OSBPL10: variants seen among roughly 807,000 people sequenced by gnomAD.
OSBPL10 encodes oxysterol binding protein like 10, also known as oxysterol-binding protein-related protein 10.
A neutral mutation model predicts 81.7 loss-of-function variants in OSBPL10; 49 were observed. The observed-to-expected ratio is 0.60, with a 90% CI of 0.48 to 0.76. OSBPL10 has a LOEUF of 0.76. Among genes scored for constraint, OSBPL10 ranks in the 30% least tolerant of loss-of-function variants. The pLI is 0.00. For missense variants in OSBPL10, 923 were observed against 987.8 expected (o/e 0.93, Z 0.88); for synonymous variants, 419 against 383.6 (o/e 1.09, Z -1.08).
At chr3:31,888,775 T>G (rs1281478737) in intron 1 of OSBPL10, among the ~76,000 whole-genome samples, 1 of 151,816 alleles carries the variant, frequency 6.6e-6, no homozygotes, top group Non-Finnish European at 1.5e-5. Context: ...ATAAAAAAAA[T>G]TAGCCAGGCC....
At chr3:31,809,550 G>T (rs1418557960) in intron 4 of OSBPL10, among the ~76,000 whole-genome samples, 2 of 152,174 alleles carry the variant, frequency 1.3e-5, no homozygotes, top group Non-Finnish European at 2.9e-5. Flanking sequence ...GGTGGTGGTG[G>T]ACACGGAGGT....
intron 1 of OSBPL10, among the ~76,000 whole-genome samples, chr3:31,918,313 A>G (rs562796900): frequency 1.5e-5 from 2 of 134,176 alleles, no homozygotes; most frequent in African/African-American, 2.9e-5. Context: ...CACACACTGG[A>G]GTTGTTTTTT....
Position 31,996,617 on chromosome 3 carries a change from T to G in OSBPL10, n.298+49874A>C, listed in dbSNP as rs77744726. Among the ~76,000 whole-genome samples, 1,364 of 152,274 alleles carry G rather than the reference T, an allele frequency of 9.0e-3. 52 individuals carry two copies. The East Asian group carries it at 0.15, about 17-fold the overall frequency. On this transcript the variant is annotated intron_variant and non_coding_transcript_variant, in intron 2 of 3. Transcript: ENST00000479173. ...GAAAATCTCTAATACATCTCTGTAC[T>G]CCCAGTCCTGAAAAGAGAATTTCAG...
At chr3:32,054,455 T>C (rs1458289377) in intron 1 of OSBPL10, among the ~76,000 whole-genome samples, 1 of 151,482 alleles carries the variant, frequency 6.6e-6, no homozygotes, top group Admixed American at 6.6e-5. Context: ...GTGTATGTTA[T>C]TAATAGTTAT....
intron 6 of OSBPL10, among the ~76,000 whole-genome samples, chr3:31,717,918 G>C (rs774160880): frequency 6.6e-6 from 1 of 152,194 alleles, no homozygotes; most frequent in Non-Finnish European, 1.5e-5. Context: ...GGAAATTTGT[G>C]AGACAGCTGT....
intron 2 of OSBPL10, among the ~76,000 whole-genome samples, chr3:31,994,131 C>G (rs1699064214): frequency 6.6e-6 from 1 of 152,162 alleles, no homozygotes; most frequent in Non-Finnish European, 1.5e-5. Flanking sequence ...CAGACTCAAC[C>G]ACACACTATA....
intron 1 of OSBPL10, among the ~76,000 whole-genome samples, chr3:31,938,651 G>T (rs911552460): frequency 1.2e-4 from 19 of 152,122 alleles, no homozygotes; most frequent in Non-Finnish European, 1.2e-4. Context: ...TGGGACTACA[G>T]GCACACGCCA....
At chr3:31,990,642 A>G (rs1699016145) in intron 2 of OSBPL10, 4 of 1,614,078 alleles carry the variant, frequency 2.5e-6, no homozygotes, top group Non-Finnish European at 3.4e-6. Flanking sequence ...TTTTTAATCA[A>G]CAAGCAACCC....
rs116668846 is a variant in OSBPL10 at position 31,808,364 on chromosome 3, G to A, written c.729+21676C>T. The stretch of plus-strand genomic sequence containing the variant: ...TGAGGTCTTGTCAGGTGTCATGTTG[G>A]GAGACTGAGGTCCCCAAATGTAGCC... On this transcript the variant is annotated intron_variant, in intron 4 of 11. Transcript: ENST00000396556. 1.7e-3 allele frequency among the ~76,000 whole-genome samples: 253 copies of A among 152,308 alleles called. 1 individual carries two copies. The highest frequency in any genetic ancestry group is 5.9e-3 in the African/African-American group (247 of 41,566).
chr3:31,671,247 G>T (rs540940239), intron 8 of OSBPL10, among the ~76,000 whole-genome samples: 1 of 152,324 alleles, frequency 6.6e-6, no homozygotes, highest in African/African-American at 2.4e-5. Flanking sequence ...ACACAAAATT[G>T]TAACAGTGAT....
In OSBPL10 at chr3:32,055,059, A is replaced by C. The variant is rs910258248; in HGVS notation, n.186-8456T>G. On this transcript the variant is annotated intron_variant and non_coding_transcript_variant, in intron 1 of 3. Transcript: ENST00000479173. ...AAGAGCTGAAATGTTCATGAATATC[A>C]AGAACAGGAGTTAACTGCATGGACT... Among the ~76,000 whole-genome samples the C allele has an allele frequency of 3.4e-4, 52 of 152,300 alleles. No homozygotes were observed. In the South Asian group the frequency reaches 5.0e-3, roughly 15 times the overall value.
At chr3:31,678,852 A>T (rs1195379830) in intron 8 of OSBPL10, among the ~76,000 whole-genome samples, 1 of 148,002 alleles carries the variant, frequency 6.8e-6, no homozygotes, top group Non-Finnish European at 1.5e-5. Flanking sequence ...AAGAGAAATA[A>T]GAAACAACTT....
At chr3:31,925,934 A>C (rs2125712381) in intron 1 of OSBPL10, among the ~76,000 whole-genome samples, 1 of 152,366 alleles carries the variant, frequency 6.6e-6, no homozygotes. Flanking sequence ...AGGCCACTGC[A>C]GTTCACTCTG....
At position 31,827,471 on chromosome 3, in the gene OSBPL10, C is replaced by T. The variant is rs186972997; in HGVS notation, c.729+2569G>A. ...CTAACACGGTGAAACCCCGTCTCTA[C>T]CAAAAATACAAAAAATTAGCCAGGC... On this transcript the variant is annotated intron_variant, in intron 4 of 11. Transcript: ENST00000396556. Among the ~76,000 whole-genome samples, 442 of 152,050 alleles carry T rather than the reference C, an allele frequency of 2.9e-3. 1 individual carries two copies. Among genetic ancestry groups the T allele is most frequent in the African/African-American group, 9.7e-3 (402 of 41,452 alleles).
In OSBPL10 at chr3:31,872,640, G is replaced by C. The variant is rs74970831; in HGVS notation, c.537+3793C>G. On this transcript the variant is annotated intron_variant, in intron 3 of 11. Transcript: ENST00000396556. ...TCAAAAGCTTTTTTTTTTTTTTTTTGAGACATGATCTCACTCTGTCACCCA... is the reference window on the plus strand; with the variant it reads ...TCAAAAGCTTTTTTTTTTTTTTTTTCAGACATGATCTCACTCTGTCACCCA... 5.5e-5 allele frequency among the ~76,000 whole-genome samples: 3 copies of C among 54,822 alleles called. No homozygotes were observed. The Admixed American group carries it at 5.8e-4, about 11-fold the overall frequency. The allele number at this position is 54,822 out of a possible 152,430, so 36.0% of individuals were successfully genotyped here.
chr3:31,743,383 A>C (rs187630324), intron 5 of OSBPL10, among the ~76,000 whole-genome samples: 1 of 152,160 alleles, frequency 6.6e-6, no homozygotes, highest in African/African-American at 2.4e-5. Flanking sequence ...CATAAATGGA[A>C]GTTAAGTAAA....
intron 3 of OSBPL10, among the ~76,000 whole-genome samples, chr3:31,859,726 G>A (rs1408203182): frequency 6.6e-6 from 1 of 152,148 alleles, no homozygotes; most frequent in Admixed American, 6.5e-5. Flanking sequence ...ACCTCTCCCA[G>A]GCTCCTTAAG....
intron 2 of OSBPL10, among the ~76,000 whole-genome samples, chr3:31,993,450 C>T (rs1699056152): frequency 6.6e-6 from 1 of 152,040 alleles, no homozygotes; most frequent in Admixed American, 6.6e-5. Flanking sequence ...TCAGGTGATC[C>T]ACCCGCCTCG....
intron 4 of OSBPL10, among the ~76,000 whole-genome samples, chr3:31,764,789 C>A (rs1350353262): frequency 6.6e-6 from 1 of 152,156 alleles, no homozygotes; most frequent in East Asian, 1.9e-4. Context: ...TTCTTAGAGC[C>A]TCTAACTTAA....
Sources: allele counts gnomAD v4.1 joint callset (sites outside exome capture counted in the v4.1 genomes callset), GRCh38; gene constraint gnomAD v4.1.1; transcripts MANE v1.5; gene names NCBI Gene and HGNC (gene_info 2026-07-23, HGNC 2026-07-21).